Variants in ABI2 observed in about 807,000 individuals in gnomAD.
The protein encoded by ABI2 is abelson interactor 2.
Under a neutral mutation model 59.2 loss-of-function variants are expected in ABI2, and 25 were observed. The observed-to-expected ratio is 0.42, with a 90% CI of 0.31 to 0.59. The LOEUF (loss-of-function observed/expected upper bound fraction) is 0.59. Among genes scored for constraint, ABI2 ranks in the 20% least tolerant of loss-of-function variants. The pLI, the probability that ABI2 is intolerant of heterozygous loss-of-function variation, is 0.14. For synonymous variants in ABI2, 213 were observed against 235.5 expected (o/e 0.90, Z 0.87); for missense variants, 545 against 681.8 (o/e 0.80, Z 2.23).
intron 10 of ABI2, among the ~76,000 whole-genome samples, chr2:203,416,456 C>T (rs1037945520): frequency 4.6e-5 from 7 of 151,920 alleles, no homozygotes; most frequent in Non-Finnish European, 1.0e-4. Context: ...CGACCATGTG[C>T]GACTAATTTT....
intron 1 of ABI2, among the ~76,000 whole-genome samples, chr2:203,339,581 A>G (rs1299020777): frequency 7.2e-6 from 1 of 138,994 alleles, no homozygotes; most frequent in East Asian, 2.0e-4. Flanking sequence ...ACTCCGTCTC[A>G]AAAAAAAAAA....
chr2:203,384,275 C>A (rs2096315551), intron 4 of ABI2, among the ~76,000 whole-genome samples: 1 of 78,856 alleles, frequency 1.3e-5, no homozygotes, highest in African/African-American at 5.6e-5. Flanking sequence ...GTTCCATACT[C>A]TTGTTTTTGT....
At chr2:203,395,630 T>C in intron 6 of ABI2, 26 bp from the exon 7 acceptor site, 1 of 1,599,256 alleles carries the variant, frequency 6.3e-7, no homozygotes, top group Non-Finnish European at 8.5e-7. Context: ...TAAATACTCA[T>C]GTTTTGGTGG....
chr2:203,396,400 A>G (rs1038111314), intron 7 of ABI2, among the ~76,000 whole-genome samples: 1 of 152,288 alleles, frequency 6.6e-6, no homozygotes, highest in African/African-American at 2.4e-5. Context: ...AATATGGAAT[A>G]TGTCTATTTT....
intron 1 of ABI2, among the ~76,000 whole-genome samples, chr2:203,348,215 T>C (rs1407867626): frequency 6.6e-6 from 1 of 152,162 alleles, no homozygotes; most frequent in African/African-American, 2.4e-5. Flanking sequence ...CACTGTAGCC[T>C]GGGGGACAGA....
chr2:203,340,450 T>A (rs1342129072), intron 1 of ABI2, among the ~76,000 whole-genome samples: 1 of 151,970 alleles, frequency 6.6e-6, no homozygotes, highest in African/African-American at 2.4e-5. Flanking sequence ...CACTGCAGCC[T>A]CACCTCCCCA....
intron 4 of ABI2, among the ~76,000 whole-genome samples, chr2:203,385,627 T>TA (rs1381778487): frequency 6.6e-6 from 1 of 152,222 alleles, no homozygotes; most frequent in Non-Finnish European, 1.5e-5. Context: ...AAATTCCCCT[T>TA]ATATTTCTAG....
intron 5 of ABI2, 177 bp from the exon 6 acceptor site, chr2:203,394,522 CA>C (rs1344746353): frequency 1.7e-6 from 1 of 585,166 alleles, no homozygotes. Context: ...CAATATTCAC[CA>C]AAACCCTAAT....
rs530469341 is a variant in ABI2 at position 203,410,232 on chromosome 2, T to C, written c.1193-1053T>C. Among the ~76,000 whole-genome samples, 5 of 152,348 alleles carry C rather than the reference T, an allele frequency of 3.3e-5. No homozygotes were observed. In the South Asian group the frequency reaches 1.0e-3, roughly 32 times the overall value. On this transcript the variant is annotated intron_variant, in intron 9 of 11. Coordinates refer to ENST00000261018, the MANE Select transcript of ABI2 (RefSeq NM_001375670.1). ...AAATATTGTTGGGTTAAGATTATCA[T>C]GTATTCTTCTGTTTCAATAGAATGT...
intron 1 of ABI2, among the ~76,000 whole-genome samples, chr2:203,352,239 G>A (rs1008079461): frequency 6.6e-6 from 1 of 152,088 alleles, no homozygotes; most frequent in African/African-American, 2.4e-5. Context: ...ATGGAAGGAC[G>A]GCTTGAGTTC....
intron 2 of ABI2, among the ~76,000 whole-genome samples, chr2:203,373,226 C>T (rs1049697076): frequency 2.0e-5 from 3 of 152,142 alleles, no homozygotes; most frequent in South Asian, 2.1e-4. Flanking sequence ...CTCGGGAGGC[C>T]GAGGCTGGCG....
intron 6 of ABI2, among the ~76,000 whole-genome samples, chr2:203,395,448 T>TATATATATACACAC (rs750379504): frequency 2.6e-3 from 300 of 115,286 alleles, no homozygotes; most frequent in East Asian, 4.3e-3. Flanking sequence ...TATATATATA[T>TATATATATACACAC]ACACACACAC....
intron 10 of ABI2, among the ~76,000 whole-genome samples, chr2:203,411,831 G>A (rs1263798769): frequency 6.6e-6 from 1 of 152,154 alleles, no homozygotes; most frequent in East Asian, 1.9e-4. Flanking sequence ...TCATAGGTTG[G>A]CAATGAATTT....
At chr2:203,405,534 A>G (rs538703267) in intron 9 of ABI2, among the ~76,000 whole-genome samples, 3 of 152,174 alleles carry the variant, frequency 2.0e-5, no homozygotes, top group African/African-American at 4.8e-5. Flanking sequence ...TGGGCAACAG[A>G]GTGAGACCCT....
At position 203,430,872 on chromosome 2, in the gene ABI2, G is replaced by A. The variant is rs1359729230; in HGVS notation, c.*3520G>A. The stretch of plus-strand genomic sequence containing the variant: ...AAGATAACTAAAGATTTTTCTCTTT[G>A]GGAGGCATCAAAATGATGGTAGTTT... On this transcript the variant is annotated 3_prime_UTR_variant, in exon 12 of 12. Transcript: ENST00000261018. 2 of 152,122 alleles carry A rather than the reference G, an allele frequency of 1.3e-5. No individual in the cohort carries two copies. The highest frequency in any genetic ancestry group is 2.9e-5 in the Non-Finnish European group (2 of 68,014). The allele number at this position is 152,122 out of a possible 1,614,324, so 9.4% of individuals were successfully genotyped here.
chr2:203,328,553 G>A lies in ABI2; in HGVS notation c.39G>A (p.Pro13=). Residue 13 remains proline, a synonymous_variant, in exon 1 of 12, where the codon CCG becomes CCA. Coordinates refer to ENST00000261018, the MANE Select transcript of ABI2 (RefSeq NM_001375670.1). ...ELQMLLEEEI[P]GGRRALFDSY... The stretch of plus-strand genomic sequence containing the variant: ...AGATGCTGCTGGAAGAGGAAATCCC[G>A]GGGGGCCGCCGGGCCCTCTTCGACA... 1 of 1,605,028 alleles carries A rather than the reference G, an allele frequency of 6.2e-7. No homozygotes were observed. The highest frequency in any genetic ancestry group is 8.5e-7 in the Non-Finnish European group (1 of 1,175,966).
intron 1 of ABI2, among the ~76,000 whole-genome samples, chr2:203,358,343 T>C (rs1249216539): frequency 6.6e-6 from 1 of 152,086 alleles, no homozygotes; most frequent in East Asian, 1.9e-4. Flanking sequence ...AGACAAGGTC[T>C]TTCTCTGTTG....
chr2:203,366,006 C>G (rs1353071153), intron 1 of ABI2, among the ~76,000 whole-genome samples: 2 of 151,878 alleles, frequency 1.3e-5, no homozygotes, highest in Non-Finnish European at 2.9e-5. Context: ...AATTTTTTTA[C>G]TTTTTGTGTT....
At chr2:203,398,970 C>G (rs910274307) in intron 8 of ABI2, among the ~76,000 whole-genome samples, 1 of 152,030 alleles carries the variant, frequency 6.6e-6, no homozygotes, top group Non-Finnish European at 1.5e-5. Flanking sequence ...TTAGATTTTT[C>G]TAGTTTTGAG....
Sources: allele counts gnomAD v4.1 joint callset (sites outside exome capture counted in the v4.1 genomes callset), GRCh38; gene constraint gnomAD v4.1.1; transcripts MANE v1.5; gene names NCBI Gene and HGNC (gene_info 2026-07-23, HGNC 2026-07-21).